ADORA2B: variants seen among roughly 807,000 people sequenced by gnomAD.
The protein encoded by ADORA2B is adenosine A2b receptor, also known as adenosine receptor A2b.
A neutral mutation model predicts 20.8 loss-of-function variants in ADORA2B; 18 were observed. That is an observed-to-expected ratio of 0.87 (90% CI 0.60 to 1.29). The LOEUF (loss-of-function observed/expected upper bound fraction) is 1.29, where lower values mean the gene tolerates loss of function less well. Ranked by LOEUF, ADORA2B falls within the 50% of genes most tolerant of loss-of-function variation. The pLI is 0.00. For synonymous variants in ADORA2B, 179 were observed against 178.3 expected (o/e 1.00, Z -0.03); for missense variants, 441 against 422.7 (o/e 1.04, Z -0.38).
At chr17:15,934,706 G>T in the ADORA2B span, among the ~76,000 whole-genome samples, 1 of 151,740 alleles carries the variant, frequency 6.6e-6, no homozygotes, top group Non-Finnish European at 1.5e-5. Flanking sequence ...TCTCCTTTTG[G>T]CTATTAACAT....
intron 1 of ADORA2B, among the ~76,000 whole-genome samples, chr17:15,948,519 C>A (rs1479333741): frequency 6.6e-6 from 1 of 151,514 alleles, no homozygotes; most frequent in Non-Finnish European, 1.5e-5. Flanking sequence ...TCCCAGCTCT[C>A]ACTTCACCCT....
At chr17:15,868,381 A>G in the ADORA2B span, among the ~76,000 whole-genome samples, 1 of 137,936 alleles carries the variant, frequency 7.2e-6, no homozygotes, top group East Asian at 2.1e-4. Flanking sequence ...AAAAAAAAAA[A>G]TGTCTTCTTT....
At chr17:15,931,179 A>AT in the ADORA2B span, among the ~76,000 whole-genome samples, 1 of 152,162 alleles carries the variant, frequency 6.6e-6, no homozygotes, top group South Asian at 2.1e-4. Context: ...AGCCACACAG[A>AT]TAGGAAAGAA....
At chr17:15,940,093 AT>A in the ADORA2B span, among the ~76,000 whole-genome samples, 6 of 152,206 alleles carry the variant, frequency 3.9e-5, no homozygotes, top group African/African-American at 1.4e-4. Flanking sequence ...TGGTAACAGT[AT>A]TAAGTGCTCA....
chr17:15,871,833 C>T, the ADORA2B span, among the ~76,000 whole-genome samples: 1 of 152,182 alleles, frequency 6.6e-6, no homozygotes, highest in African/African-American at 2.4e-5. Context: ...GCGTATATGG[C>T]TTTGTGTCCT....
the ADORA2B span, among the ~76,000 whole-genome samples, chr17:15,930,322 G>A: frequency 3.2e-3 from 484 of 149,790 alleles, no homozygotes; most frequent in African/African-American, 0.011. Context: ...TTTGAGACAG[G>A]GTCTCACTCT....
chr17:15,949,448 G>A (rs7213923), intron 1 of ADORA2B, among the ~76,000 whole-genome samples: 35 of 152,092 alleles, frequency 2.3e-4, no homozygotes, highest in African/African-American at 8.5e-4. Flanking sequence ...AAGAGACAGA[G>A]GTTGCCGTGA....
the ADORA2B span, among the ~76,000 whole-genome samples, chr17:15,856,591 A>C: frequency 6.6e-6 from 1 of 152,142 alleles, no homozygotes; most frequent in Non-Finnish European, 1.5e-5. Flanking sequence ...CTTGCTAGAG[A>C]TTTGTTGAAT....
chr17:15,938,207 A>G, the ADORA2B span, among the ~76,000 whole-genome samples: 1 of 152,120 alleles, frequency 6.6e-6, no homozygotes, highest in Admixed American at 6.6e-5. Flanking sequence ...GAAGGAAGGA[A>G]GTTAGAAAGG....
At chr17:15,928,065 C>T in the ADORA2B span, among the ~76,000 whole-genome samples, 7 of 152,086 alleles carry the variant, frequency 4.6e-5, no homozygotes, top group African/African-American at 1.7e-4. Context: ...GCCTCAGCCT[C>T]CCAAAGTGCT....
rs370551434 is a variant in ADORA2B at position 15,964,872 on chromosome 17, T to C, written c.336-9807T>C. 5.6e-3 allele frequency among the ~76,000 whole-genome samples: 857 copies of C among 151,920 alleles called. 4 individuals carry two copies. The highest frequency in any genetic ancestry group is 9.9e-3 in the African/African-American group (409 of 41,426). ...GTCAGGAGATCGAGACCATCCTGGC[T>C]AACACGGTGAAACCCCGTCTCTACT... On this transcript the variant is annotated intron_variant, in intron 1 of 1. Coordinates refer to ENST00000304222, the MANE Select transcript of ADORA2B (RefSeq NM_000676.4).
intron 1 of ADORA2B, among the ~76,000 whole-genome samples, chr17:15,964,615 CAAAAA>C (rs372895382): frequency 1.5e-5 from 1 of 66,380 alleles, no homozygotes. Context: ...GACTCTGTCT[CAAAAA>C]AAAAAAAAAA....
the ADORA2B span, among the ~76,000 whole-genome samples, chr17:15,923,389 GTA>G: frequency 0.024 from 3,040 of 125,862 alleles, 81 homozygotes; most frequent in African/African-American, 0.054. Flanking sequence ...ATGTGTGTGT[GTA>G]TATATATATA....
At chr17:15,951,883 C>T (rs2151595674) in intron 1 of ADORA2B, among the ~76,000 whole-genome samples, 1 of 152,310 alleles carries the variant, frequency 6.6e-6, no homozygotes, top group East Asian at 1.9e-4. Context: ...ACCCTGGGCC[C>T]TGCCCTGAGA....
the ADORA2B span, among the ~76,000 whole-genome samples, chr17:15,870,047 T>C: frequency 6.6e-6 from 1 of 150,926 alleles, no homozygotes; most frequent in Non-Finnish European, 1.5e-5. Flanking sequence ...CACATGTTTT[T>C]GTAAATAAGT....
Position 15,975,431 on chromosome 17 carries a change from C to A in ADORA2B, c.*89C>A, listed in dbSNP as rs896616579. On this transcript the variant is annotated 3_prime_UTR_variant, in exon 2 of 2. Transcript: ENST00000304222. ...GTTTTCATTGTGAAAGATAGCTACA[C>A]CTCACAAGGAAATGGACTGCCTCTC... The A allele has an allele frequency of 4.0e-5, 55 of 1,375,674 alleles. No homozygotes were observed. The highest frequency in any genetic ancestry group is 4.8e-5 in the Non-Finnish European group (48 of 1,008,710). The allele number at this position is 1,375,674 out of a possible 1,614,324, so 85.2% of individuals were successfully genotyped here. A position where few individuals can be genotyped will look rare whatever the true frequency, so the allele number is the denominator to read the frequency against.
chr17:15,894,696 G>T, the ADORA2B span, among the ~76,000 whole-genome samples: 13 of 152,312 alleles, frequency 8.5e-5, no homozygotes, highest in African/African-American at 2.9e-4. Flanking sequence ...AGGGGAGGAG[G>T]AGAGGAAGAA....
Position 15,945,390 on chromosome 17 carries a change from T to G in ADORA2B, c.142T>G (p.Ser48Ala). 6.2e-7 allele frequency: 1 copy of G among 1,613,228 alleles called. No individual in the cohort carries two copies. The highest frequency in any genetic ancestry group is 2.2e-5 in the East Asian group (1 of 44,864). ...LQTPTNYFLV[S>A]LAAADVAVGL... is the part of the protein sequence containing the mutation. ...GACGCCCACCAACTACTTCCTGGTG[T>G]CCCTGGCTGCGGCCGACGTGGCCGT... The change falls in exon 1 of 2, where the codon TCC becomes GCC. Residue 48 changes from serine to alanine, a missense_variant. By Grantham distance (99) the Ser-to-Ala change is moderately conservative. Transcript: ENST00000304222.
At chr17:15,860,152 C>G in the ADORA2B span, among the ~76,000 whole-genome samples, 1 of 152,188 alleles carries the variant, frequency 6.6e-6, no homozygotes, top group African/African-American at 2.4e-5. Flanking sequence ...TCACGACCCT[C>G]TCACGTGGAC....
Sources: allele counts gnomAD v4.1 joint callset (sites outside exome capture counted in the v4.1 genomes callset), GRCh38; gene constraint gnomAD v4.1.1; transcripts MANE v1.5; gene names NCBI Gene and HGNC (gene_info 2026-07-23, HGNC 2026-07-21).